The following PTPN14 variants were observed in gnomAD, a reference collection of about 807,000 sequenced individuals.
The protein encoded by PTPN14 is protein tyrosine phosphatase non-receptor type 14.
In PTPN14, 53 loss-of-function variants were observed where a neutral mutation model predicts 126.8. That is an observed-to-expected ratio of 0.42 (90% CI 0.34 to 0.53). The LOEUF (loss-of-function observed/expected upper bound fraction) is 0.53. Ranked by LOEUF, PTPN14 falls within the 20% of genes least tolerant of loss-of-function variation. PTPN14 has a pLI of 0.08. For synonymous variants in PTPN14, 630 were observed against 599.3 expected (o/e 1.05, Z -0.75); for missense variants, 1,257 against 1,552.9 (o/e 0.81, Z 3.20).
At chr1:214,423,024 G>A (rs1378482253) in intron 3 of PTPN14, among the ~76,000 whole-genome samples, 1 of 152,130 alleles carries the variant, frequency 6.6e-6, no homozygotes, top group Non-Finnish European at 1.5e-5. Flanking sequence ...CAAAAGCAGA[G>A]GCTCATGTCT....
chr1:214,426,601 A>G (rs1306451323), intron 3 of PTPN14, among the ~76,000 whole-genome samples: 1 of 152,164 alleles, frequency 6.6e-6, no homozygotes, highest in Non-Finnish European at 1.5e-5. Context: ...TGTTTAGGAC[A>G]TGGGTAGAGG....
intron 3 of PTPN14, among the ~76,000 whole-genome samples, chr1:214,421,686 C>T (rs375307113): frequency 1.8e-4 from 28 of 152,250 alleles, no homozygotes; most frequent in African/African-American, 5.8e-4. Context: ...CCAGTCAAAA[C>T]TATTTTTTTT....
intron 11 of PTPN14, 137 bp downstream of exon 11, chr1:214,390,851 T>C: frequency 1.6e-6 from 1 of 637,064 alleles, no homozygotes; most frequent in South Asian, 4.1e-5. Context: ...CCATCGCATC[T>C]GCTTGACAGA....
chr1:214,432,736 T>A (rs1304049144), intron 3 of PTPN14, among the ~76,000 whole-genome samples: 1 of 152,192 alleles, frequency 6.6e-6, no homozygotes, highest in Non-Finnish European at 1.5e-5. Context: ...CTAAAAAGTT[T>A]TTTTTTAAAA....
chr1:214,502,234 AC>A (rs1489746753), intron 1 of PTPN14, among the ~76,000 whole-genome samples: 1 of 151,944 alleles, frequency 6.6e-6, no homozygotes, highest in African/African-American at 2.4e-5. Context: ...AGAGGGCTGG[AC>A]CCCCTATTCC....
chr1:214,529,733 A>T (rs1655492372), intron 1 of PTPN14: 1 of 152,124 alleles, frequency 6.6e-6, no homozygotes, highest in Admixed American at 6.6e-5. Flanking sequence ...AGAATATAAA[A>T]ATTAGCCGGG....
chr1:214,427,862 TAGAA>T (rs1308006713), intron 3 of PTPN14, among the ~76,000 whole-genome samples: 1 of 152,088 alleles, frequency 6.6e-6, no homozygotes, highest in East Asian at 1.9e-4. Context: ...GAATGGCAAG[TAGAA>T]AGGCTTTCAG....
At chr1:214,379,342 G>A (rs1014541290) in intron 13 of PTPN14, among the ~76,000 whole-genome samples, 1 of 152,214 alleles carries the variant, frequency 6.6e-6, no homozygotes, top group African/African-American at 2.4e-5. Context: ...CATCCCACAG[G>A]GTTATGAATT....
At chr1:214,430,816 A>C (rs548314453) in intron 3 of PTPN14, among the ~76,000 whole-genome samples, 1 of 152,346 alleles carries the variant, frequency 6.6e-6, no homozygotes, top group East Asian at 1.9e-4. Flanking sequence ...AGGTACCTTC[A>C]GCTGGCATCC....
chr1:214,417,661 G>T (rs1349011346), intron 3 of PTPN14, among the ~76,000 whole-genome samples: 1 of 152,092 alleles, frequency 6.6e-6, no homozygotes, highest in Non-Finnish European at 1.5e-5. Flanking sequence ...ATCTCAGCAC[G>T]TCTGCAACTG....
intron 1 of PTPN14, among the ~76,000 whole-genome samples, chr1:214,488,537 T>G (rs1221390853): frequency 3.3e-5 from 5 of 152,204 alleles, no homozygotes; most frequent in Admixed American, 2.6e-4. Context: ...CATGCTGTCA[T>G]AAGTCTTATC....
intron 8 of PTPN14, among the ~76,000 whole-genome samples, chr1:214,396,838 A>G (rs1422911783): frequency 2.0e-5 from 3 of 152,222 alleles, no homozygotes; most frequent in East Asian, 3.8e-4. Context: ...GGTAGGACTC[A>G]ATGCCTGGAT....
rs759573055 is a variant in PTPN14 at position 214,451,999 on chromosome 1, C to CA, written c.175-26dup. 6 of 1,602,890 alleles carry CA rather than the reference C, an allele frequency of 3.7e-6. No individual in the cohort carries two copies. In the South Asian group the frequency reaches 5.6e-5, roughly 15 times the overall value. On this transcript the variant is annotated intron_variant, in intron 2 of 18. Transcript: ENST00000366956. ...TCTAGATAAAAGGGTAAAATAGCATCAGTTCATGCTCACCACAAGCATCCC... is the reference window on the plus strand; with the variant it reads ...TCTAGATAAAAGGGTAAAATAGCATCAAGTTCATGCTCACCACAAGCATCCC...
At chr1:214,518,161 G>C (rs1655155400) in intron 1 of PTPN14, among the ~76,000 whole-genome samples, 1 of 152,112 alleles carries the variant, frequency 6.6e-6, no homozygotes. Flanking sequence ...ATCCACCATG[G>C]ATGGGATGAA....
rs535604670 is a variant in PTPN14, at chr1:214,482,972, T to A, written c.-154-18015A>T. The A allele has an allele frequency of 2.5e-5, 40 of 1,597,282 alleles. No homozygotes were observed. In the African/African-American group the frequency reaches 4.7e-4, roughly 19 times the overall value. ...CCAGCTTACTTTGTGCATCAATTTG[T>A]GTAACAATCTCATTCATGTTTGTCT... is the stretch of plus-strand genomic sequence containing the variant. On this transcript the variant is annotated intron_variant, in intron 1 of 18. Coordinates refer to ENST00000366956, the MANE Select transcript of PTPN14 (RefSeq NM_005401.5).
intron 3 of PTPN14, among the ~76,000 whole-genome samples, chr1:214,439,877 T>C (rs1401665502): frequency 6.6e-6 from 1 of 152,182 alleles, no homozygotes; most frequent in Non-Finnish European, 1.5e-5. Flanking sequence ...CCATTTTAGT[T>C]CCACTCTCTA....
intron 1 of PTPN14, among the ~76,000 whole-genome samples, chr1:214,502,218 G>C (rs111836763): frequency 3.0e-4 from 45 of 152,054 alleles, no homozygotes; most frequent in Admixed American, 9.8e-4. Context: ...TGCTTCTAAG[G>C]GGGGAAGAGG....
At chr1:214,402,629 C>CGAAG (rs1174182938) in intron 6 of PTPN14, among the ~76,000 whole-genome samples, 33 of 47,610 alleles carry the variant, frequency 6.9e-4, no homozygotes, top group Non-Finnish European at 1.0e-3. Flanking sequence ...CCCAGATTCT[C>CGAAG]TAAGGAAGGA....
intron 1 of PTPN14, among the ~76,000 whole-genome samples, chr1:214,546,979 G>A (rs1306699038): frequency 6.6e-6 from 1 of 152,076 alleles, no homozygotes; most frequent in Non-Finnish European, 1.5e-5. Flanking sequence ...GGAAAGGAAA[G>A]TAAAACAATG....
Sources: gnomAD v4.1 joint callset for allele counts (sites outside exome capture counted in the v4.1 genomes callset) on GRCh38, gnomAD v4.1.1 for gene constraint, MANE v1.5 for transcripts, NCBI Gene and HGNC (gene_info 2026-07-23, HGNC 2026-07-21) for gene names.